SPAST: variants seen among roughly 807,000 people sequenced by gnomAD.
SPAST encodes the protein spastin, also known as spastic paraplegia 4 (autosomal dominant; spastin).
In SPAST, 30 loss-of-function variants were observed where a neutral mutation model predicts 76.6. The ratio of observed to expected loss-of-function variants is 0.39; its 90% CI spans 0.29 to 0.53. SPAST has a LOEUF of 0.53. Ranked by LOEUF, SPAST falls within the 20% of genes least tolerant of loss-of-function variation. The pLI is 0.68. For missense variants in SPAST, 717 were observed against 770.5 expected (o/e 0.93, Z 0.82); for synonymous variants, 305 against 281.0 (o/e 1.09, Z -0.86).
intron 8 of SPAST, 68 bp downstream of exon 8, chr2:32,127,090 T>C (rs1430140623): frequency 9.7e-7 from 1 of 1,029,992 alleles, no homozygotes; most frequent in African/African-American, 1.6e-5. Flanking sequence ...AAAGAAACTT[T>C]ATCTTGTCCT....
intron 4 of SPAST, among the ~76,000 whole-genome samples, chr2:32,099,260 AT>A (rs1678030833): frequency 6.6e-6 from 1 of 152,064 alleles, no homozygotes; most frequent in Admixed American, 6.6e-5. Flanking sequence ...ACACATTTTA[AT>A]TTTTTATGTA....
chr2:32,157,058 A>C lies in SPAST; in HGVS notation c.*2562A>C, dbSNP rs1680276832. The C allele has an allele frequency of 6.6e-6, 1 of 152,598 alleles. No homozygotes were observed. The highest frequency in any genetic ancestry group is 6.5e-5 in the Admixed American group (1 of 15,274). 9.5% of individuals were successfully genotyped at this position (152,598 alleles called of 1,614,324 possible). On this transcript the variant is annotated 3_prime_UTR_variant, in exon 17 of 17. Coordinates refer to ENST00000315285, the MANE Select transcript of SPAST (RefSeq NM_014946.4). ...TTTCAATAAAGATAGAAGTTGCTGA[A>C]GTTTTCTGAATTAATAATGACTTAG...
rs964580845 is a variant in SPAST, at chr2:32,156,709, A to G, written c.*2213A>G. On this transcript the variant is annotated 3_prime_UTR_variant, in exon 17 of 17. Transcript: ENST00000315285. ...AACTGGCTAATCATATTAAAGGACT[A>G]TGTGGTTCCAGCTCAACTTTTAATA... is the stretch of plus-strand genomic sequence containing the variant. The G allele has an allele frequency of 3.9e-5, 6 of 152,230 alleles. No individual in the cohort carries two copies. Among genetic ancestry groups the G allele is most frequent in the African/African-American group, 7.2e-5 (3 of 41,474 alleles). The allele number at this position is 152,230 out of a possible 1,614,324, so 9.4% of individuals were successfully genotyped here.
chr2:32,075,399 C>G (rs1209269999), intron 1 of SPAST, among the ~76,000 whole-genome samples: 1 of 135,224 alleles, frequency 7.4e-6, no homozygotes, highest in Admixed American at 8.2e-5. Flanking sequence ...GCACCCCAGC[C>G]TGGGCCACAG....
At chr2:32,111,656 A>G in intron 4 of SPAST, among the ~76,000 whole-genome samples, 1 of 150,316 alleles carries the variant, frequency 6.7e-6, no homozygotes, top group African/African-American at 2.4e-5. Context: ...TATTATAGGT[A>G]TATACTCTTT....
chr2:32,079,130 C>T (rs1677095989), intron 1 of SPAST, among the ~76,000 whole-genome samples: 1 of 152,166 alleles, frequency 6.6e-6, no homozygotes, highest in Non-Finnish European at 1.5e-5. Flanking sequence ...TGTGAACCAC[C>T]ATGCTCCACC....
intron 16 of SPAST, among the ~76,000 whole-genome samples, chr2:32,150,526 C>T (rs2148766031): frequency 6.6e-6 from 1 of 151,962 alleles, no homozygotes; most frequent in Non-Finnish European, 1.5e-5. Context: ...CACCCTCTAG[C>T]TCCTGGGCTC....
chr2:32,117,214 C>G (rs920452809), intron 7 of SPAST, among the ~76,000 whole-genome samples: 26 of 152,038 alleles, frequency 1.7e-4, no homozygotes, highest in African/African-American at 6.0e-4. Flanking sequence ...GATCACGCCA[C>G]TGCACTCCAG....
intron 3 of SPAST, among the ~76,000 whole-genome samples, chr2:32,092,618 C>T (rs1360512262): frequency 6.6e-6 from 1 of 152,112 alleles, no homozygotes; most frequent in Non-Finnish European, 1.5e-5. Flanking sequence ...AAAGATTTAA[C>T]GTTTTGGATA....
At chr2:32,083,363 G>A (rs534360876) in intron 1 of SPAST, among the ~76,000 whole-genome samples, 1 of 152,026 alleles carries the variant, frequency 6.6e-6, no homozygotes, top group African/African-American at 2.4e-5. Context: ...GTTGACTCAT[G>A]TGGTAAATAT....
chr2:32,067,893 T>C (rs1316381157), intron 1 of SPAST, among the ~76,000 whole-genome samples: 1 of 151,878 alleles, frequency 6.6e-6, no homozygotes, highest in Non-Finnish European at 1.5e-5. Flanking sequence ...TACGCCATTC[T>C]CCTGCGTAAT....
chr2:32,068,475 C>T (rs1361326384), intron 1 of SPAST, among the ~76,000 whole-genome samples: 1 of 151,962 alleles, frequency 6.6e-6, no homozygotes, highest in Non-Finnish European at 1.5e-5. Context: ...GCATGTGCCA[C>T]CCCACACCCA....
rs878969044 is a variant in SPAST, at chr2:32,087,684, C to G, written c.502+106C>G. ...TTATTTATTTTTCTTTCTTTCTTTT[C>G]TTTTCTTTTCTTTTTTTTTTTTTTT... On this transcript the variant is annotated intron_variant, in intron 2 of 16. Coordinates refer to ENST00000315285, the MANE Select transcript of SPAST (RefSeq NM_014946.4). 1.3e-5 allele frequency: 4 copies of G among 297,548 alleles called. No individual in the cohort carries two copies. In the Admixed American group the frequency reaches 1.8e-4, roughly 13 times the overall value. 18.4% of individuals were successfully genotyped at this position (297,548 alleles called of 1,614,324 possible).
rs1469846143 is a variant in SPAST at position 32,063,867 on chromosome 2, C to T, written c.36C>T (p.Gly12=). 1.9e-6 allele frequency: 3 copies of T among 1,585,336 alleles called. No individual in the cohort carries two copies. Among genetic ancestry groups the T allele is most frequent in the Non-Finnish European group, 2.6e-6 (3 of 1,170,640 alleles). Residue 12 remains glycine (G), a synonymous_variant, in exon 1 of 17, where the codon GGC becomes GGT. Transcript: ENST00000315285. Reference sequence around the variant, plus strand: ...CGGGTGGACGAGGGAAGAAGAAAGGCTCCGGCGGCGCCAGCAACCCGGTGC... The same window carrying T: ...CGGGTGGACGAGGGAAGAAGAAAGGTTCCGGCGGCGCCAGCAACCCGGTGC... ...NSPGGRGKKK[G]SGGASNPVPP...
rs1404938878 is a variant in SPAST, at chr2:32,079,310, G to T, written c.416-8182G>T. Among the ~76,000 whole-genome samples the T allele has an allele frequency of 2.6e-5, 4 of 151,990 alleles. No homozygotes were observed. In the East Asian group the frequency reaches 6.0e-4, roughly 23 times the overall value. On this transcript the variant is annotated intron_variant, in intron 1 of 16. Transcript: ENST00000315285. ...GTGGGAGTATCACTTGAGCCCGGGAGTTCAAGACCAGCCTGGGCAATATAG... is the reference window on the plus strand; with the variant it reads ...GTGGGAGTATCACTTGAGCCCGGGATTTCAAGACCAGCCTGGGCAATATAG...
At chr2:32,097,209 C>T (rs1383091499) in intron 3 of SPAST, among the ~76,000 whole-genome samples, 1 of 152,102 alleles carries the variant, frequency 6.6e-6, no homozygotes, top group Non-Finnish European at 1.5e-5. Flanking sequence ...AAACTGCTAC[C>T]TTCTTGGGCT....
intron 1 of SPAST, among the ~76,000 whole-genome samples, chr2:32,067,332 G>A (rs1006765443): frequency 6.6e-6 from 1 of 152,142 alleles, no homozygotes. Flanking sequence ...AAAGTGCTGG[G>A]ATTACAGGTG....
chr2:32,087,675 CTTTCTTTTCTTTT>C (rs1211967541), intron 2 of SPAST, 97 bp downstream of exon 2: 2 of 373,174 alleles, frequency 5.4e-6, no homozygotes, highest in African/African-American at 4.6e-5. Flanking sequence ...ATTTTTCTTT[CTTTCTTTTCTTTT>C]CTTTTCTTTT....
chr2:32,070,411 A>T (rs923581593), intron 1 of SPAST, among the ~76,000 whole-genome samples: 1 of 152,194 alleles, frequency 6.6e-6, no homozygotes, highest in African/African-American at 2.4e-5. Flanking sequence ...GCCTTAATTT[A>T]TCTGAAACCA....
Sources: allele counts gnomAD v4.1 joint callset (sites outside exome capture counted in the v4.1 genomes callset), GRCh38; gene constraint gnomAD v4.1.1; transcripts MANE v1.5; gene names NCBI Gene and HGNC (gene_info 2026-07-23, HGNC 2026-07-21).